The following DOCK3 variants were observed in gnomAD, a reference collection of about 807,000 sequenced individuals.
DOCK3 encodes dedicator of cytokinesis 3.
A neutral mutation model predicts 265.6 loss-of-function variants in DOCK3; 60 were observed. The observed-to-expected ratio is 0.23, with a 90% confidence interval of 0.18 to 0.28. The LOEUF (loss-of-function observed/expected upper bound fraction) is 0.28, where lower values mean the gene tolerates loss of function less well. Ranked by LOEUF, DOCK3 falls within the 10% of genes least tolerant of loss-of-function variation. The pLI is 1.00. For synonymous variants in DOCK3, 881 were observed against 938.0 expected, an observed-to-expected ratio of 0.94 and a Z score of 1.11; for missense variants, 1,981 against 2,594.3, an observed-to-expected ratio of 0.76 and a Z score of 5.14.
intron 12 of DOCK3, among the ~76,000 whole-genome samples, chr3:51,163,381 C>T (rs1270088338): frequency 6.7e-6 from 1 of 149,878 alleles, no homozygotes; most frequent in Non-Finnish European, 1.5e-5. Context: ...GAAGGCACCA[C>T]ACATCCTTTT....
intron 2 of DOCK3, among the ~76,000 whole-genome samples, chr3:50,797,327 G>A (rs141473884): frequency 1.3e-5 from 2 of 152,198 alleles, no homozygotes; most frequent in Non-Finnish European, 2.9e-5. Context: ...GGGAGAGTCC[G>A]CTCTTCTCTA....
At chr3:51,291,259 A>G (rs140502270) in intron 27 of DOCK3, among the ~76,000 whole-genome samples, 22 of 152,282 alleles carry the variant, frequency 1.4e-4, no homozygotes, top group African/African-American at 5.1e-4. Context: ...ATAAGAAAAA[A>G]CTAACCCCAA....
chr3:50,878,566 G>A (rs1385215435), intron 3 of DOCK3, among the ~76,000 whole-genome samples: 4 of 141,784 alleles, frequency 2.8e-5, no homozygotes, highest in Non-Finnish European at 6.0e-5. Context: ...GAAGCAAGAA[G>A]AGAAGTTTAG....
intron 4 of DOCK3, among the ~76,000 whole-genome samples, chr3:50,920,111 G>T (rs141486920): frequency 3.4e-4 from 52 of 152,328 alleles, no homozygotes; most frequent in South Asian, 8.3e-4. Context: ...CTTGATCATT[G>T]TGGATAAGCT....
chr3:50,689,121 C>T (rs967361057), intron 1 of DOCK3, among the ~76,000 whole-genome samples: 1 of 152,202 alleles, frequency 6.6e-6, no homozygotes, highest in African/African-American at 2.4e-5. Context: ...TTGTCACTTG[C>T]CACTCACTGA....
intron 10 of DOCK3, among the ~76,000 whole-genome samples, chr3:51,151,324 A>G (rs2085579291): frequency 6.6e-6 from 1 of 152,120 alleles, no homozygotes; most frequent in Admixed American, 6.6e-5. Context: ...TAAGGTCAAT[A>G]TTGTTATGTG....
At chr3:51,137,146 T>C (rs2084844593) in intron 9 of DOCK3, among the ~76,000 whole-genome samples, 2 of 152,160 alleles carry the variant, frequency 1.3e-5, no homozygotes, top group Admixed American at 1.3e-4. Flanking sequence ...TTCTGTGCTT[T>C]AAAATAAAGT....
chr3:51,275,955 T>C, intron 25 of DOCK3, among the ~76,000 whole-genome samples: 1 of 152,146 alleles, frequency 6.6e-6, no homozygotes. Flanking sequence ...TCAGAAACTA[T>C]AGAAAAGCAT....
intron 6 of DOCK3, among the ~76,000 whole-genome samples, chr3:51,073,796 A>G (rs1037679222): frequency 6.6e-6 from 1 of 152,168 alleles, no homozygotes; most frequent in Non-Finnish European, 1.5e-5. Context: ...CCTGCTAGAA[A>G]GTATACATAT....
At chr3:51,265,843 C>T (rs187938823) in intron 23 of DOCK3, among the ~76,000 whole-genome samples, 18 of 152,180 alleles carry the variant, frequency 1.2e-4, no homozygotes, top group African/African-American at 3.9e-4. Context: ...GAAGTTCTGG[C>T]CAGGGCAGTC....
intron 2 of DOCK3, among the ~76,000 whole-genome samples, chr3:50,821,460 C>T (rs1025570735): frequency 1.1e-4 from 17 of 151,954 alleles, no homozygotes; most frequent in East Asian, 1.9e-4. Flanking sequence ...CCACCACACC[C>T]GGCTAATTTT....
intron 6 of DOCK3, among the ~76,000 whole-genome samples, chr3:51,066,021 A>G (rs550398169): frequency 1.3e-3 from 191 of 152,352 alleles, no homozygotes; most frequent in African/African-American, 4.4e-3. Context: ...AAGATCCACT[A>G]TGTAGAATAA....
At chr3:50,858,298 A>G (rs936773938) in intron 3 of DOCK3, among the ~76,000 whole-genome samples, 11 of 152,060 alleles carry the variant, frequency 7.2e-5, no homozygotes, top group African/African-American at 2.7e-4. Context: ...GTCAGGGGGA[A>G]GGATAGCATT....
rs1368386069 is a variant in DOCK3 at position 50,766,270 on chromosome 3, C to G, written c.38-12405C>G. Among the ~76,000 whole-genome samples the G allele has an allele frequency of 2.6e-5, 3 of 117,560 alleles. No individual in the cohort carries two copies. In the Admixed American group the frequency reaches 3.0e-4, roughly 12 times the overall value. 77.1% of individuals were successfully genotyped at this position (117,560 alleles called of 152,430 possible). On this transcript the variant is annotated intron_variant, in intron 1 of 52. Transcript: ENST00000266037. Reference sequence around the variant, plus strand: ...CATATCTCCTAATGCTATCCCTCCCCCCTCCCCCCACCCCACAACAGGCCC... The same window carrying G: ...CATATCTCCTAATGCTATCCCTCCCGCCTCCCCCCACCCCACAACAGGCCC...
At chr3:50,762,099 C>A (rs1311119253) in intron 1 of DOCK3, among the ~76,000 whole-genome samples, 2 of 151,968 alleles carry the variant, frequency 1.3e-5, no homozygotes, top group Admixed American at 1.3e-4. Context: ...CACACCGGGG[C>A]CTGTTGTGGG....
chr3:51,093,777 C>CCA (rs1231847893), intron 9 of DOCK3, among the ~76,000 whole-genome samples: 1 of 152,172 alleles, frequency 6.6e-6, no homozygotes. Context: ...CAGCTTTTGC[C>CCA]CATTCAGTAT....
intron 9 of DOCK3, among the ~76,000 whole-genome samples, chr3:51,120,938 G>A (rs573548054): frequency 2.1e-4 from 32 of 152,306 alleles, no homozygotes; most frequent in African/African-American, 7.5e-4. Flanking sequence ...AGACTACTTG[G>A]CTTCCTGGCT....
intron 5 of DOCK3, among the ~76,000 whole-genome samples, chr3:50,954,204 G>C (rs189842291): frequency 1.3e-5 from 2 of 152,142 alleles, no homozygotes; most frequent in African/African-American, 4.8e-5. Flanking sequence ...AGAACCATAT[G>C]GTCCTGTTGC....
chr3:51,125,760 A>G (rs1380466111), intron 9 of DOCK3, among the ~76,000 whole-genome samples: 1 of 152,224 alleles, frequency 6.6e-6, no homozygotes, highest in Admixed American at 6.5e-5. Flanking sequence ...AAACAGAGAA[A>G]AACTTGTATA....
Sources: allele counts gnomAD v4.1 joint callset (sites outside exome capture counted in the v4.1 genomes callset), GRCh38; gene constraint gnomAD v4.1.1; transcripts MANE v1.5; gene names NCBI Gene and HGNC (gene_info 2026-07-23, HGNC 2026-07-21).